Variants in PRKN observed in about 807,000 individuals in gnomAD.
PRKN encodes parkin RBR E3 ubiquitin protein ligase.
A neutral mutation model predicts 59.5 loss-of-function variants in PRKN; 56 were observed. The observed-to-expected ratio is 0.94, with a 90% confidence interval of 0.76 to 1.18. PRKN has a LOEUF of 1.18. Among genes scored for constraint, PRKN ranks in the 50% most tolerant of loss-of-function variants. The pLI, the probability that PRKN is intolerant of heterozygous loss-of-function variation, is 0.00. For synonymous variants in PRKN, 250 were observed against 222.1 expected, an observed-to-expected ratio of 1.13 and a Z score of -1.12; for missense variants, 657 against 596.4, an observed-to-expected ratio of 1.10 and a Z score of -1.06.
At chr6:162,280,714 T>C (rs1241556436) in intron 2 of PRKN, among the ~76,000 whole-genome samples, 2 of 141,580 alleles carry the variant, frequency 1.4e-5, no homozygotes, top group African/African-American at 5.3e-5. Flanking sequence ...CTGCTTGAAC[T>C]GAGACCTGGA....
At chr6:161,819,062 A>G (rs533604759) in intron 6 of PRKN, among the ~76,000 whole-genome samples, 1 of 152,340 alleles carries the variant, frequency 6.6e-6, no homozygotes, top group African/African-American at 2.4e-5. Flanking sequence ...GCATTCAAAC[A>G]TTATACTCCG....
At chr6:162,284,293 C>T (rs1048631650) in intron 2 of PRKN, among the ~76,000 whole-genome samples, 4 of 135,416 alleles carry the variant, frequency 3.0e-5, no homozygotes, top group Non-Finnish European at 6.1e-5. Context: ...GGCGCAATCT[C>T]GGCTCACTGC....
intron 3 of PRKN, among the ~76,000 whole-genome samples, chr6:162,216,238 A>T (rs896416716): frequency 7.9e-5 from 12 of 151,704 alleles, no homozygotes; most frequent in African/African-American, 2.7e-4. Context: ...TCTTTTAAAA[A>T]CCCAGTTTGC....
intron 1 of PRKN, among the ~76,000 whole-genome samples, chr6:162,662,212 T>A (rs1251910596): frequency 6.6e-6 from 1 of 152,004 alleles, no homozygotes; most frequent in Non-Finnish European, 1.5e-5. Context: ...ATCTGAAACC[T>A]GAAACGGGGC....
intron 7 of PRKN, among the ~76,000 whole-genome samples, chr6:161,754,581 C>T (rs1205455026): frequency 6.6e-6 from 1 of 152,064 alleles, no homozygotes; most frequent in Non-Finnish European, 1.5e-5. Context: ...AGGGTCCCTG[C>T]GGCCTCTCAG....
chr6:162,678,665 T>C (rs1779649878), intron 1 of PRKN, among the ~76,000 whole-genome samples: 1 of 152,244 alleles, frequency 6.6e-6, no homozygotes. Context: ...TATTGAGTTT[T>C]GAGAGTTCTT....
Position 161,391,146 on chromosome 6 carries a change from A to G in PRKN, c.1084-4269T>C, listed in dbSNP as rs1248773095. Among the ~76,000 whole-genome samples the G allele has an allele frequency of 6.6e-6, 1 of 152,154 alleles. No homozygotes were observed. Among genetic ancestry groups the G allele is most frequent in the Non-Finnish European group, 1.5e-5 (1 of 68,040 alleles). Reference sequence around the variant, plus strand: ...GCAGACCTAGCTCCAACATTTTCACATCCATTCTGCTGAGCTGCATGTCTC... The same window carrying G: ...GCAGACCTAGCTCCAACATTTTCACGTCCATTCTGCTGAGCTGCATGTCTC... On this transcript the variant is annotated intron_variant, in intron 9 of 11. Coordinates refer to ENST00000366898, the MANE Select transcript of PRKN (RefSeq NM_004562.3). This position sits in a 1 kb window ranked among gnomAD's most constrained non-coding sequence, Gnocchi z 4.9.
At chr6:162,222,504 G>C (rs925489521) in intron 3 of PRKN, among the ~76,000 whole-genome samples, 3 of 152,190 alleles carry the variant, frequency 2.0e-5, no homozygotes, top group Admixed American at 6.5e-5. Context: ...ATGGCTGACA[G>C]CCAGCAAGAA....
intron 1 of PRKN, among the ~76,000 whole-genome samples, chr6:162,455,923 C>A (rs1790849762): frequency 6.6e-6 from 1 of 151,976 alleles, no homozygotes; most frequent in South Asian, 2.1e-4. Flanking sequence ...TTAAAAAAAA[C>A]TTTATAAAAT....
rs185864944 is a variant in PRKN, at chr6:161,875,634, T to A, written c.735-89726A>T. 1.3e-4 allele frequency among the ~76,000 whole-genome samples: 20 copies of A among 152,130 alleles called. No homozygotes were observed. In the East Asian group the frequency reaches 3.9e-3, roughly 29 times the overall value. ...AAATCTCCCTCTTGTTGAATGGGGA[T>A]CTGATGAGAGACTAACATTTAGAAG... On this transcript the variant is annotated intron_variant, in intron 6 of 11. Coordinates refer to ENST00000366898, the MANE Select transcript of PRKN (RefSeq NM_004562.3).
intron 3 of PRKN, among the ~76,000 whole-genome samples, chr6:162,221,090 G>T (rs1208968922): frequency 2.6e-5 from 4 of 152,158 alleles, no homozygotes. Context: ...GAATGCTTTG[G>T]TGTGAAAGAC....
At chr6:161,569,147 T>G (rs905827503) in intron 8 of PRKN, among the ~76,000 whole-genome samples, 1 of 152,236 alleles carries the variant, frequency 6.6e-6, no homozygotes, top group African/African-American at 2.4e-5. Flanking sequence ...CACTGGCAGA[T>G]AGCAGATGTA....
intron 6 of PRKN, among the ~76,000 whole-genome samples, chr6:161,832,038 T>C (rs899565739): frequency 5.9e-5 from 9 of 152,212 alleles, no homozygotes; most frequent in African/African-American, 1.9e-4. Flanking sequence ...TTCTCCCATG[T>C]AGGATTGGAT....
At chr6:162,159,543 T>C (rs373050195) in intron 4 of PRKN, among the ~76,000 whole-genome samples, 14 of 152,298 alleles carry the variant, frequency 9.2e-5, no homozygotes, top group Admixed American at 2.0e-4. Context: ...AGATCTATAG[T>C]TTTAATGTAA....
chr6:162,192,619 A>ATT (rs10625449), intron 4 of PRKN, among the ~76,000 whole-genome samples: 11,400 of 147,908 alleles, frequency 0.077, 679 homozygotes, highest in Admixed American at 0.2. Flanking sequence ...CGCCCAGCTA[A>ATT]TTTTTTTTTT....
intron 5 of PRKN, among the ~76,000 whole-genome samples, chr6:161,981,654 G>A (rs1314328026): frequency 6.6e-6 from 1 of 152,138 alleles, no homozygotes; most frequent in Non-Finnish European, 1.5e-5. Context: ...TCTTTATTGT[G>A]TCTTAGCCTT....
At chr6:162,046,510 T>A (rs778283443) in intron 5 of PRKN, among the ~76,000 whole-genome samples, 9 of 152,204 alleles carry the variant, frequency 5.9e-5, no homozygotes, top group African/African-American at 1.2e-4. Flanking sequence ...TAAACCAAGG[T>A]CATGTTCTGT....
chr6:161,803,018 A>T (rs552908713), intron 6 of PRKN, among the ~76,000 whole-genome samples: 98 of 152,298 alleles, frequency 6.4e-4, no homozygotes, highest in Middle Eastern at 3.4e-3. Flanking sequence ...ACAGGAGATG[A>T]AAACTCCCAT....
chr6:162,442,955 C>T (rs541145410), intron 2 of PRKN, among the ~76,000 whole-genome samples: 8 of 152,080 alleles, frequency 5.3e-5, no homozygotes, highest in Non-Finnish European at 1.2e-4. Context: ...ACAATTTATT[C>T]GAATCCTTCT....
Sources: allele counts gnomAD v4.1 joint callset (sites outside exome capture counted in the v4.1 genomes callset), GRCh38; gene constraint gnomAD v4.1.1; non-coding constraint Gnocchi (gnomAD v3.1); transcripts MANE v1.5; gene names NCBI Gene and HGNC (gene_info 2026-07-23, HGNC 2026-07-21).